The following ATP10B variants were observed in gnomAD, a reference collection of about 807,000 sequenced individuals.
ATP10B encodes phospholipid-transporting ATPase VB.
In ATP10B, 122 loss-of-function variants were observed where a neutral mutation model predicts 141.2. The observed-to-expected ratio is 0.86, with a 90% CI of 0.75 to 1.00. The LOEUF (loss-of-function observed/expected upper bound fraction) is 1.00, where lower values mean the gene tolerates loss of function less well. Ranked by LOEUF, ATP10B falls within the 50% of genes least tolerant of loss-of-function variation. The pLI, the probability that ATP10B is intolerant of heterozygous loss-of-function variation, is 0.00. For missense variants in ATP10B, 1,876 were observed against 1,825.3 expected (o/e 1.03, Z -0.51); for synonymous variants, 685 against 692.0 (o/e 0.99, Z 0.16).
At chr5:160,765,613 GAAGAT>G (rs1459265116) in intron 2 of ATP10B, among the ~76,000 whole-genome samples, 1 of 152,048 alleles carries the variant, frequency 6.6e-6, no homozygotes, top group Non-Finnish European at 1.5e-5. Context: ...AAAAATTCTA[GAAGAT>G]AATATCAGAA....
intron 19 of ATP10B, among the ~76,000 whole-genome samples, chr5:160,605,710 C>T (rs1341635935): frequency 2.6e-5 from 4 of 152,220 alleles, no homozygotes. Flanking sequence ...GAAAGAAAAT[C>T]TTATCCCATG....
chr5:160,701,766 C>T (rs189072712), intron 3 of ATP10B, among the ~76,000 whole-genome samples: 3 of 151,410 alleles, frequency 2.0e-5, no homozygotes, highest in Admixed American at 2.0e-4. Context: ...GGAGAAGTCA[C>T]CCTTTTATTC....
At chr5:160,684,160 C>T (rs895689527) in intron 6 of ATP10B, among the ~76,000 whole-genome samples, 10 of 152,158 alleles carry the variant, frequency 6.6e-5, no homozygotes, top group African/African-American at 2.4e-4. Flanking sequence ...GTTAAGACAA[C>T]ATCAGGGAGA....
chr5:160,760,399 G>A (rs7725968), intron 2 of ATP10B, among the ~76,000 whole-genome samples: 38,605 of 152,048 alleles, frequency 0.25, 5,854 homozygotes, highest in East Asian at 0.42. Flanking sequence ...AAGGCACTGC[G>A]ATTGCTCCTA....
At chr5:160,817,181 G>A (rs960360097) in intron 1 of ATP10B, among the ~76,000 whole-genome samples, 1 of 152,046 alleles carries the variant, frequency 6.6e-6, no homozygotes, top group African/African-American at 2.4e-5. Flanking sequence ...GGAAATAAAG[G>A]GTATACAATT....
intron 18 of ATP10B, among the ~76,000 whole-genome samples, chr5:160,608,034 T>C (rs1233423649): frequency 2.0e-5 from 3 of 152,214 alleles, no homozygotes; most frequent in African/African-American, 4.8e-5. Context: ...ACCCATTAAC[T>C]CGTCATTTAC....
chr5:160,731,968 A>G (rs905535784), intron 2 of ATP10B, among the ~76,000 whole-genome samples: 1 of 152,218 alleles, frequency 6.6e-6, no homozygotes, highest in African/African-American at 2.4e-5. Context: ...CCTTCATTAT[A>G]TCGAGGATGT....
chr5:160,849,315 C>T (rs546153092), intron 1 of ATP10B, among the ~76,000 whole-genome samples: 22 of 152,190 alleles, frequency 1.4e-4, no homozygotes, highest in African/African-American at 5.3e-4. Context: ...GATACTGCAC[C>T]ATACCAGAGC....
chr5:160,590,482 G>C (rs1756214660), intron 23 of ATP10B, among the ~76,000 whole-genome samples: 1 of 152,148 alleles, frequency 6.6e-6, no homozygotes, highest in African/African-American at 2.4e-5. Context: ...TATATTGTTT[G>C]CTACCTAAAT....
rs1763662520 is a variant in ATP10B at position 160,685,015 on chromosome 5, T to C, written c.470+1064A>G. The C allele has an allele frequency of 7.1e-6, 5 of 703,466 alleles. No individual in the cohort carries two copies. In the Middle Eastern group the frequency reaches 1.1e-3, roughly 161 times the overall value. 43.6% of individuals were successfully genotyped at this position (703,466 alleles called of 1,614,324 possible). ...ATTCAGAACCGCAATGCCCACAAAA[T>C]AGAGATTGGCAAACCGGTGTAGCTG... On this transcript the variant is annotated intron_variant, in intron 6 of 25. Transcript: ENST00000327245.
chr5:160,816,618 C>T (rs867521717), intron 1 of ATP10B, among the ~76,000 whole-genome samples: 14 of 152,180 alleles, frequency 9.2e-5, no homozygotes, highest in Middle Eastern at 6.8e-3. Flanking sequence ...TTCCAATCAA[C>T]AGAAAAAGAG....
chr5:160,909,298 T>TG, the ATP10B span, among the ~76,000 whole-genome samples: 6 of 151,980 alleles, frequency 3.9e-5, no homozygotes, highest in African/African-American at 1.2e-4. Context: ...TGTGTGTGTG[T>TG]TTTTTTTAAT....
chr5:160,827,323 G>GT (rs1774690226), intron 1 of ATP10B, among the ~76,000 whole-genome samples: 1 of 152,172 alleles, frequency 6.6e-6, no homozygotes, highest in Non-Finnish European at 1.5e-5. Context: ...GCCTGCATCT[G>GT]TTTTTTAACT....
chr5:160,780,095 T>C (rs1386953224), intron 2 of ATP10B, among the ~76,000 whole-genome samples: 1 of 152,146 alleles, frequency 6.6e-6, no homozygotes, highest in Non-Finnish European at 1.5e-5. Flanking sequence ...TGGTGAGAGA[T>C]AGCACTGCTA....
At chr5:160,823,869 C>T (rs920126781) in intron 1 of ATP10B, among the ~76,000 whole-genome samples, 3 of 151,772 alleles carry the variant, frequency 2.0e-5, no homozygotes, top group Admixed American at 6.6e-5. Flanking sequence ...TCATATAGCC[C>T]GTAAATATAT....
In ATP10B at chr5:160,644,044, T is replaced by C. The variant is rs1240812685; in HGVS notation, c.868+94A>G. 4 of 1,008,234 alleles carry C rather than the reference T, an allele frequency of 4.0e-6. No individual in the cohort carries two copies. The East Asian group carries it at 9.7e-5, about 24-fold the overall frequency. The allele number at this position is 1,008,234 out of a possible 1,614,324, so 62.5% of individuals were successfully genotyped here. The stretch of plus-strand genomic sequence containing the variant: ...GTTACATGAGTAAATGGGAAGTTAC[T>C]GTGAACAGTTGTTGGTTCCCATTGA... On this transcript the variant is annotated intron_variant, in intron 9 of 25. Coordinates refer to ENST00000327245, the MANE Select transcript of ATP10B (RefSeq NM_025153.3).
At chr5:160,869,830 C>T in the ATP10B span, among the ~76,000 whole-genome samples, 82 of 152,236 alleles carry the variant, frequency 5.4e-4, 1 homozygote, top group South Asian at 0.016. Context: ...TGAGTTAAAA[C>T]TCCAGAAGGA....
At chr5:160,764,639 C>A (rs1386256121) in intron 2 of ATP10B, among the ~76,000 whole-genome samples, 1 of 152,052 alleles carries the variant, frequency 6.6e-6, no homozygotes, top group East Asian at 1.9e-4. Context: ...AAGCATTCTC[C>A]CTAAGAACTG....
intron 6 of ATP10B, among the ~76,000 whole-genome samples, chr5:160,673,256 T>G (rs1762825666): frequency 6.6e-6 from 1 of 152,206 alleles, no homozygotes; most frequent in Non-Finnish European, 1.5e-5. Flanking sequence ...GTGCTTCCAC[T>G]CCACCCACAT....
Sources: allele counts gnomAD v4.1 joint callset (sites outside exome capture counted in the v4.1 genomes callset), GRCh38; gene constraint gnomAD v4.1.1; transcripts MANE v1.5; gene names NCBI Gene and HGNC (gene_info 2026-07-23, HGNC 2026-07-21).